Variants in TCF25 observed in about 807,000 individuals in gnomAD.
TCF25 encodes TCF25 ribosome quality control complex subunit, also known as ribosome quality control complex subunit TCF25.
A neutral mutation model predicts 83.1 loss-of-function variants in TCF25; 41 were observed. The observed-to-expected ratio is 0.49, with a 90% CI of 0.38 to 0.64. The LOEUF is 0.64. Ranked by LOEUF, TCF25 falls within the 30% of genes least tolerant of loss-of-function variation. The pLI, the probability that TCF25 is intolerant of heterozygous loss-of-function variation, is 0.00. For synonymous variants in TCF25, 458 were observed against 365.0 expected (o/e 1.25, Z -2.90); for missense variants, 979 against 914.5 (o/e 1.07, Z -0.91).
chr16:89,895,146 G>C lies in TCF25; in HGVS notation c.928+9G>C, dbSNP rs758161182. ...GGCTCGAGACCTCGTAGGTAAGGCA[G>C]AGCCCCCACCCCATTCCCCTCAGCT... is the stretch of plus-strand genomic sequence containing the variant. On this transcript the variant is annotated intron_variant, in intron 8 of 17. Transcript: ENST00000263346. 2 of 1,611,022 alleles carry C rather than the reference G, an allele frequency of 1.2e-6. No homozygotes were observed. Among genetic ancestry groups the C allele is most frequent in the Non-Finnish European group, 8.5e-7 (1 of 1,178,614 alleles).
chr16:89,897,584 A>G (rs996694080), intron 9 of TCF25, among the ~76,000 whole-genome samples: 3 of 152,222 alleles, frequency 2.0e-5, no homozygotes, highest in African/African-American at 4.8e-5. Context: ...GTCTCTTCCA[A>G]TGAAATTCTT....
At chr16:89,896,200 G>C (rs2043835980) in intron 9 of TCF25, 117 bp downstream of exon 9, 6 of 835,470 alleles carry the variant, frequency 7.2e-6, no homozygotes, top group African/African-American at 1.7e-5. Flanking sequence ...AGGGCCCACA[G>C]GTCCAGAGTG....
intron 9 of TCF25, among the ~76,000 whole-genome samples, chr16:89,897,032 A>G (rs1009345678): frequency 2.0e-5 from 3 of 151,690 alleles, no homozygotes; most frequent in Admixed American, 1.3e-4. Context: ...GTCTCTCAAA[A>G]AAAAAAAAAG....
At chr16:89,880,902 C>T (rs1419847545) in intron 1 of TCF25, among the ~76,000 whole-genome samples, 1 of 152,204 alleles carries the variant, frequency 6.6e-6, no homozygotes, top group Non-Finnish European at 1.5e-5. Context: ...CGGCCCATGC[C>T]TAGGCCCCAG....
rs763121507 is a variant in TCF25 at position 89,900,638 on chromosome 16, C to T, written c.1225C>T (p.His409Tyr). Reference protein sequence around the residue: ...LIRLFQEWEAHRNLSQLPNFA... With the variant: ...LIRLFQEWEAYRNLSQLPNFA... The stretch of plus-strand genomic sequence containing the variant: ...TCTGTTTCTTCGTCCCTCGTAGGCT[C>T]ATCGGAACCTGTCCCAGCTCCCTAA... Residue 409 changes from histidine to tyrosine, a missense_variant, in exon 12 of 18, where the codon CAT (histidine) becomes TAT (tyrosine). Transcript: ENST00000263346. The T allele has an allele frequency of 2.5e-6, 4 of 1,590,032 alleles. No homozygotes were observed. The highest frequency in any genetic ancestry group is 2.6e-6 in the Non-Finnish European group (3 of 1,160,072).
chr16:89,878,434 ATTTTTTTTTTTTT>A, intron 1 of TCF25: 3 of 1,005,712 alleles, frequency 3.0e-6, no homozygotes, highest in Non-Finnish European at 2.5e-6. Context: ...AAAAATCACC[ATTTTTTTTTTTTT>A]TTTTTTTTTT....
intron 9 of TCF25, among the ~76,000 whole-genome samples, chr16:89,898,066 G>C (rs1484780595): frequency 6.6e-6 from 1 of 151,268 alleles, no homozygotes; most frequent in African/African-American, 2.4e-5. Flanking sequence ...CCGAGATAGC[G>C]CCACTGCACT....
chr16:89,911,326 G>C lies in TCF25; in HGVS notation c.*88G>C. On this transcript the variant is annotated 3_prime_UTR_variant, in exon 18 of 18. Transcript: ENST00000263346. ...TCGGCCAGTTGCCTGAAGTAGGGAA[G>C]CTGAGTGTGTCGCTCCCTGGTCCAC... 3 of 1,545,656 alleles carry C rather than the reference G, an allele frequency of 1.9e-6. No homozygotes were observed. The highest frequency in any genetic ancestry group is 2.7e-6 in the Non-Finnish European group (3 of 1,131,128).
At chr16:89,907,351 C>A in intron 16 of TCF25, 29 bp downstream of exon 16, 4 of 1,417,640 alleles carry the variant, frequency 2.8e-6, no homozygotes, top group South Asian at 1.2e-5. Context: ...TTCCCACCTC[C>A]CAGCTCCCAC....
chr16:89,899,708 A>T (rs975751487), intron 11 of TCF25, among the ~76,000 whole-genome samples: 4 of 151,814 alleles, frequency 2.6e-5, no homozygotes, highest in Admixed American at 6.6e-5. Flanking sequence ...AGTCTGGGCA[A>T]CCAGAGTGAA....
At chr16:89,884,113 C>G in intron 2 of TCF25, 1 of 174,448 alleles carries the variant, frequency 5.7e-6, no homozygotes, top group Non-Finnish European at 1.2e-5. Context: ...GGGCAACATA[C>G]ATGTGAAGTG....
intron 1 of TCF25, among the ~76,000 whole-genome samples, chr16:89,877,387 T>G (rs1477041735): frequency 2.0e-5 from 3 of 152,154 alleles, no homozygotes; most frequent in Non-Finnish European, 4.4e-5. Flanking sequence ...CAATTTTTTT[T>G]GAAAGCCAGT....
chr16:89,900,518 C>G, intron 11 of TCF25, 117 bp from the exon 12 acceptor site: 2 of 1,220,426 alleles, frequency 1.6e-6, no homozygotes, highest in Non-Finnish European at 1.1e-6. Flanking sequence ...CCTTGCGTTG[C>G]CTGCAGAATA....
intron 1 of TCF25, among the ~76,000 whole-genome samples, chr16:89,876,969 G>T (rs912841091): frequency 6.6e-6 from 1 of 150,832 alleles, no homozygotes; most frequent in Non-Finnish European, 1.5e-5. Context: ...AGGCATGGTG[G>T]TGGGTGCCTG....
chr16:89,890,757 T>C (rs2043365032), intron 5 of TCF25: 1 of 152,148 alleles, frequency 6.6e-6, no homozygotes, highest in South Asian at 2.1e-4. Context: ...CAAATTATAA[T>C]TATTAATAGT....
intron 14 of TCF25, 142 bp downstream of exon 14, chr16:89,905,238 A>C (rs577501281): frequency 2.5e-6 from 3 of 1,221,464 alleles, no homozygotes; most frequent in Non-Finnish European, 3.3e-6. Context: ...TGGAGCCTAC[A>C]AGACAGCGCA....
At position 89,910,205 on chromosome 16, in the gene TCF25, A is replaced by G. The variant is rs563497733; in HGVS notation, c.1800-386A>G. The G allele has an allele frequency of 1.2e-5, 3 of 247,640 alleles. No individual in the cohort carries two copies. In the South Asian group the frequency reaches 1.6e-4, roughly 13 times the overall value. The allele number at this position is 247,640 out of a possible 1,614,324, so 15.3% of individuals were successfully genotyped here. Reference sequence around the variant, plus strand: ...CTTCGCACCGTGAGGGTCTCCGCTTAACGCAGGCCCTGGAAGCTTCTGCCT... The same window carrying G: ...CTTCGCACCGTGAGGGTCTCCGCTTGACGCAGGCCCTGGAAGCTTCTGCCT... On this transcript the variant is annotated intron_variant, in intron 16 of 17. Coordinates refer to ENST00000263346, the MANE Select transcript of TCF25 (RefSeq NM_014972.3).
chr16:89,896,110 G>A (rs774043379), intron 9 of TCF25, 27 bp downstream of exon 9: 3 of 1,600,676 alleles, frequency 1.9e-6, no homozygotes, highest in Admixed American at 1.7e-5. Flanking sequence ...TGGAGGTGAC[G>A]CAGCTCCCCT....
intron 1 of TCF25, among the ~76,000 whole-genome samples, chr16:89,875,513 GTTTTTTTT>G (rs1193815042): frequency 1.5e-5 from 1 of 65,950 alleles, no homozygotes; most frequent in Non-Finnish European, 2.6e-5. Context: ...CCTGACGTGA[GTTTTTTTT>G]TTTTTTTTTT....
Sources: allele counts gnomAD v4.1 joint callset (sites outside exome capture counted in the v4.1 genomes callset), GRCh38; gene constraint gnomAD v4.1.1; transcripts MANE v1.5; gene names NCBI Gene and HGNC (gene_info 2026-07-23, HGNC 2026-07-21).